Variants in QRICH1 observed in about 807,000 individuals in gnomAD.
QRICH1 encodes the protein transcriptional regulator QRICH1.
Under a neutral mutation model 87.1 loss-of-function variants are expected in QRICH1, and 16 were observed. The ratio of observed to expected loss-of-function variants is 0.18; its 90% CI spans 0.12 to 0.28. The LOEUF is 0.28. Ranked by LOEUF, QRICH1 falls within the 10% of genes least tolerant of loss-of-function variation. The pLI, the probability that QRICH1 is intolerant of heterozygous loss-of-function variation, is 1.00. For missense variants in QRICH1, 647 were observed against 951.7 expected (o/e 0.68, Z 4.21); for synonymous variants, 367 against 368.4 (o/e 1.00, Z 0.05).
At chr3:49,049,457 TA>T (rs1242890755) in intron 3 of QRICH1, among the ~76,000 whole-genome samples, 3 of 151,896 alleles carry the variant, frequency 2.0e-5, no homozygotes, top group Non-Finnish European at 4.4e-5. Context: ...AAAATAAAAA[TA>T]AAAAAGTGAA....
intron 6 of QRICH1, among the ~76,000 whole-genome samples, chr3:49,042,675 C>T (rs1421480155): frequency 6.6e-6 from 1 of 151,874 alleles, no homozygotes; most frequent in Non-Finnish European, 1.5e-5. Flanking sequence ...CTGGTTCAAG[C>T]GATTCTCCTA....
intron 2 of QRICH1, among the ~76,000 whole-genome samples, chr3:49,059,495 C>A (rs999522494): frequency 6.7e-6 from 1 of 149,684 alleles, no homozygotes; most frequent in African/African-American, 2.5e-5. Flanking sequence ...TCTCAGCTCA[C>A]TGCAACCTCC....
intron 1 of QRICH1, among the ~76,000 whole-genome samples, chr3:49,078,671 A>T (rs2041999602): frequency 7.0e-6 from 1 of 142,732 alleles, no homozygotes; most frequent in African/African-American, 2.6e-5. Context: ...CTGAGATTAC[A>T]GGCGTGAGCC....
intron 3 of QRICH1, among the ~76,000 whole-genome samples, chr3:49,051,654 C>G (rs2093371675): frequency 6.8e-6 from 1 of 147,054 alleles, no homozygotes; most frequent in African/African-American, 2.5e-5. Flanking sequence ...TCATAGCCAC[C>G]TCAAACTAAC....
At chr3:49,032,058 G>T in intron 9 of QRICH1, 125 bp downstream of exon 9, 1 of 768,850 alleles carries the variant, frequency 1.3e-6, no homozygotes, top group Non-Finnish European at 2.1e-6. Flanking sequence ...CTTTCTGGAA[G>T]TGTTTTTACT....
intron 6 of QRICH1, among the ~76,000 whole-genome samples, chr3:49,037,710 C>A (rs574428671): frequency 9.4e-4 from 138 of 147,298 alleles, no homozygotes; most frequent in Non-Finnish European, 1.4e-3. Flanking sequence ...CCAACGTGGG[C>A]AAGAGAGAGA....
intron 1 of QRICH1, among the ~76,000 whole-genome samples, chr3:49,093,069 G>A (rs909094133): frequency 3.9e-5 from 6 of 152,182 alleles, no homozygotes; most frequent in African/African-American, 1.2e-4. Flanking sequence ...TTACGCTTAT[G>A]GACGTATTAG....
Position 49,077,000 on chromosome 3 carries a change from C to A in QRICH1, c.18G>T (p.Glu6Asp). The A allele has an allele frequency of 1.3e-6, 2 of 1,496,468 alleles. No individual in the cohort carries two copies. The highest frequency in any genetic ancestry group is 9.0e-7 in the Non-Finnish European group (1 of 1,112,744). 92.7% of individuals were successfully genotyped at this position (1,496,468 alleles called of 1,614,324 possible). A position where few individuals can be genotyped will look rare whatever the true frequency, so the allele number is the denominator to read the frequency against. ...TGTACTCTTCAAAGGAGATGGTGTT[C>A]TCTAGGGAATTATTCATATTGCAGA... Reference protein sequence around the residue: MNNSLENTISFEEYIR... With the variant: MNNSLDNTISFEEYIR... Residue 6 changes from glutamate (E) to aspartate (D), a missense_variant, in exon 2 of 10, where the codon GAG becomes GAT. Coordinates refer to ENST00000395443, the MANE Select transcript of QRICH1 (RefSeq NM_198880.3).
At chr3:49,047,554 G>C (rs937015102) in intron 3 of QRICH1, among the ~76,000 whole-genome samples, 2 of 146,258 alleles carry the variant, frequency 1.4e-5, no homozygotes, top group South Asian at 4.3e-4. Context: ...CGCAATCTCA[G>C]CTCACTGCAC....
At chr3:49,076,097 G>C (rs992407087) in intron 2 of QRICH1, among the ~76,000 whole-genome samples, 1 of 152,118 alleles carries the variant, frequency 6.6e-6, no homozygotes, top group African/African-American at 2.4e-5. Context: ...TAAAAAATTA[G>C]CCGAGTGTGT....
At position 49,056,963 on chromosome 3, in the gene QRICH1, C is replaced by A; in HGVS notation, c.1237G>T (p.Val413Phe). 1 of 1,614,128 alleles carries A rather than the reference C, an allele frequency of 6.2e-7. No individual in the cohort carries two copies. The highest frequency in any genetic ancestry group is 8.5e-7 in the Non-Finnish European group (1 of 1,180,036). The change falls in exon 3 of 10, where the codon GTC becomes TTC. Residue 413 changes from valine (V) to phenylalanine (F), a missense_variant. Around this residue, in one of 7 missense-constraint regions of QRICH1, gnomAD observed 115 missense variants for 126.8 expected, o/e 0.91. Coordinates refer to ENST00000395443, the MANE Select transcript of QRICH1 (RefSeq NM_198880.3). Reference protein sequence around the residue: ...AGTYQNTAQTVHIWDPQQQPQ... With the variant: ...AGTYQNTAQTFHIWDPQQQPQ... ...TGCTGTTGGGGGTCCCATATATGGA[C>A]AGTTTGAGCCGTATTCTGGTACGTG...
intron 4 of QRICH1, 53 bp from the exon 5 acceptor site, chr3:49,046,632 A>G: frequency 1.3e-6 from 2 of 1,591,478 alleles, no homozygotes; most frequent in Non-Finnish European, 1.7e-6. Flanking sequence ...CATATCTGGA[A>G]GGCTCAGAAC....
chr3:49,033,337 A>G, intron 6 of QRICH1, 109 bp from the exon 7 acceptor site: 1 of 587,360 alleles, frequency 1.7e-6, no homozygotes. Context: ...AAATTTCATC[A>G]GGGGACTCTC....
chr3:49,033,031 A>G (rs563508255), intron 7 of QRICH1, 89 bp downstream of exon 7: 7 of 1,114,916 alleles, frequency 6.3e-6, no homozygotes, highest in South Asian at 1.8e-5. Context: ...TTTCTCAAAT[A>G]TATGTCAGAG....
At chr3:49,080,194 G>A (rs1223937457) in intron 1 of QRICH1, among the ~76,000 whole-genome samples, 1 of 152,086 alleles carries the variant, frequency 6.6e-6, no homozygotes, top group Non-Finnish European at 1.5e-5. Context: ...CATAATTTCA[G>A]TTTTTCATCT....
rs934007761 is a variant in QRICH1 at position 49,057,607 on chromosome 3, T to C, written c.593A>G (p.Gln198Arg). The C allele has an allele frequency of 1.9e-6, 3 of 1,614,012 alleles. No homozygotes were observed. The Admixed American group carries it at 5.0e-5, about 27-fold the overall frequency. Residue 198 changes from glutamine to arginine, a missense_variant, in exon 3 of 10, where the codon CAG (glutamine) becomes CGG (arginine). Gln to Arg is a conservative substitution (Grantham distance 43). Around this residue, in one of 7 missense-constraint regions of QRICH1, gnomAD observed 156 missense variants for 164.5 expected, o/e 0.95. Transcript: ENST00000395443. The surrounding 1 kb of genome is among the most constrained non-coding windows in gnomAD (Gnocchi z 5.4). The part of the protein sequence containing the change: ...EHIPHQQIQA[Q>R]LVAGQSLAGG... ...AGCAAGAGACTGGCCAGCCACCAGC[T>C]GAGCCTGGATTTGCTGATGTGGGAT...
intron 5 of QRICH1, 78 bp downstream of exon 5, chr3:49,046,347 A>T: frequency 7.1e-7 from 1 of 1,411,374 alleles, no homozygotes. Flanking sequence ...CTTCTTGCTT[A>T]TCAATTTATT....
At chr3:49,072,884 A>G (rs1236015940) in intron 2 of QRICH1, among the ~76,000 whole-genome samples, 1 of 151,968 alleles carries the variant, frequency 6.6e-6, no homozygotes, top group African/African-American at 2.4e-5. Flanking sequence ...TCTACCAAAA[A>G]TGAAAAAATT....
chr3:49,091,927 C>A (rs780324693), intron 1 of QRICH1, among the ~76,000 whole-genome samples: 1 of 152,026 alleles, frequency 6.6e-6, no homozygotes, highest in Non-Finnish European at 1.5e-5. Flanking sequence ...AAAAAATTAG[C>A]CAGGTGTGGT....
Sources: gnomAD v4.1 joint callset for allele counts (sites outside exome capture counted in the v4.1 genomes callset) on GRCh38, gnomAD v4.1.1 for gene constraint, gnomAD v4.1.1 regional missense constraint, Gnocchi (gnomAD v3.1) non-coding constraint, MANE v1.5 for transcripts, NCBI Gene and HGNC (gene_info 2026-07-23, HGNC 2026-07-21) for gene names.